Variants in ESCO1 observed in about 807,000 individuals in gnomAD.
ESCO1 encodes the protein N-acetyltransferase ESCO1.
A neutral mutation model predicts 83.5 loss-of-function variants in ESCO1; 33 were observed. The observed-to-expected ratio is 0.40, with a 90% CI of 0.30 to 0.53. ESCO1 has a LOEUF of 0.53. Among genes scored for constraint, ESCO1 ranks in the 20% least tolerant of loss-of-function variants. The pLI is 0.63. For synonymous variants in ESCO1, 332 were observed against 324.3 expected (o/e 1.02, Z -0.25); for missense variants, 855 against 968.0 (o/e 0.88, Z 1.55).
chr18:21,574,103 T>G lies in ESCO1; in HGVS notation c.741A>C (p.Lys247Asn), dbSNP rs759933038. 8.1e-6 allele frequency: 13 copies of G among 1,613,234 alleles called. No homozygotes were observed. The highest frequency in any genetic ancestry group is 6.7e-5 in the Admixed American group (4 of 59,982). ...CCACTGAAGTAGCCATTTTTGATCT[T>G]TTCACCTCAGAAGTTACAGGCACAG... ...TKPVPVTSEV[K>N]RSKMATSVVP... The change falls in exon 4 of 12, where the codon AAA becomes AAC. Residue 247 changes from lysine (K) to asparagine (N), a missense_variant. By Grantham distance (94) the Lys-to-Asn change is moderately conservative (BLOSUM62 0). Transcript: ENST00000269214.
rs1187202601 is a variant in ESCO1 at position 21,534,163 on chromosome 18, T to A, written c.2188-1503A>T. Among the ~76,000 whole-genome samples the A allele has an allele frequency of 3.3e-5, 5 of 152,320 alleles. No individual in the cohort carries two copies. In the East Asian group the frequency reaches 7.7e-4, roughly 23 times the overall value. Reference sequence around the variant, plus strand: ...TTCACTTTTTTAGAAAATTTTATGATCAAGCATACATCTGTGCAAGCAGCT... The same window carrying A: ...TTCACTTTTTTAGAAAATTTTATGAACAAGCATACATCTGTGCAAGCAGCT... On this transcript the variant is annotated intron_variant, in intron 10 of 11. Transcript: ENST00000269214.
intron 5 of ESCO1, among the ~76,000 whole-genome samples, chr18:21,566,629 G>A (rs1346840543): frequency 6.6e-6 from 1 of 152,214 alleles, no homozygotes; most frequent in Non-Finnish European, 1.5e-5. Flanking sequence ...GGGAGGGCAA[G>A]GCAGGCGGAT....
At chr18:21,557,178 T>C (rs1354000399) in intron 8 of ESCO1, among the ~76,000 whole-genome samples, 1 of 152,214 alleles carries the variant, frequency 6.6e-6, no homozygotes, top group African/African-American at 2.4e-5. Flanking sequence ...ATTTTTATCA[T>C]TCAAAATATT....
chr18:21,566,046 A>G, intron 6 of ESCO1, 100 bp downstream of exon 6: 1 of 1,041,778 alleles, frequency 9.6e-7, no homozygotes. Flanking sequence ...ATCTGTAGGT[A>G]AACTGAGGGT....
At chr18:21,570,834 G>A (rs181897337) in intron 4 of ESCO1, among the ~76,000 whole-genome samples, 173 of 152,080 alleles carry the variant, frequency 1.1e-3, no homozygotes, top group East Asian at 7.0e-3. Flanking sequence ...AAAATTAGCC[G>A]GGCGTGGTGG....
intron 1 of ESCO1, among the ~76,000 whole-genome samples, chr18:21,586,118 C>T (rs1196793456): frequency 6.6e-6 from 1 of 152,194 alleles, no homozygotes; most frequent in East Asian, 1.9e-4. Context: ...AGCTACCAAA[C>T]ACTAGAACTT....
intron 9 of ESCO1, 107 bp from the exon 10 acceptor site, chr18:21,536,292 C>G: frequency 7.9e-7 from 1 of 1,262,182 alleles, no homozygotes; most frequent in Admixed American, 2.5e-5. Context: ...AGGGCATCCT[C>G]TAAAGAGTTC....
rs1387991513 is a variant in ESCO1, at chr18:21,574,373, T to C, written c.471A>G (p.Lys157=). Residue 157 remains lysine (K), a synonymous_variant, in exon 4 of 12, where the codon AAA becomes AAG. Transcript: ENST00000269214. Reference sequence around the variant, plus strand: ...TACTCTGAGTACTGCTACACTGCTCTTTTTTAGTTGGTGGCAAACTCTGTT... The same window carrying C: ...TACTCTGAGTACTGCTACACTGCTCCTTTTTAGTTGGTGGCAAACTCTGTT... The part of the protein sequence containing the change: ...AVKQSLPPTK[K]EQCSSTQSKS... 7.4e-6 allele frequency: 12 copies of C among 1,613,946 alleles called. No individual in the cohort carries two copies. In the East Asian group the frequency reaches 8.9e-5, roughly 12 times the overall value.
At chr18:21,542,021 A>G (rs2037914141) in intron 8 of ESCO1, among the ~76,000 whole-genome samples, 1 of 152,210 alleles carries the variant, frequency 6.6e-6, no homozygotes, top group Non-Finnish European at 1.5e-5. Context: ...TTGTATGTTC[A>G]TGCCGAAATT....
chr18:21,533,126 C>G (rs918197281), intron 10 of ESCO1, among the ~76,000 whole-genome samples: 2 of 151,470 alleles, frequency 1.3e-5, no homozygotes, highest in African/African-American at 4.9e-5. Context: ...CTAGGGATAG[C>G]AGAGAAATCA....
chr18:21,584,161 A>G (rs1023354555), intron 2 of ESCO1, 149 bp downstream of exon 2: 2 of 152,234 alleles, frequency 1.3e-5, no homozygotes, highest in African/African-American at 4.8e-5. Flanking sequence ...TTTTCACTAT[A>G]TACCCACTGA....
intron 7 of ESCO1, among the ~76,000 whole-genome samples, chr18:21,563,917 G>GT (rs1484404959): frequency 1.2e-5 from 1 of 81,656 alleles, no homozygotes; most frequent in Non-Finnish European, 4.3e-5. Flanking sequence ...GGTGAGCAGG[G>GT]TTAAAAAAAA....
At chr18:21,547,933 C>T (rs2037994634) in intron 8 of ESCO1, among the ~76,000 whole-genome samples, 1 of 151,970 alleles carries the variant, frequency 6.6e-6, no homozygotes, top group African/African-American at 2.4e-5. Context: ...GAAACCCTGT[C>T]TCTACTAAAA....
intron 7 of ESCO1, among the ~76,000 whole-genome samples, chr18:21,562,401 G>C (rs2038199304): frequency 6.6e-6 from 1 of 151,816 alleles, no homozygotes; most frequent in Non-Finnish European, 1.5e-5. Context: ...ACTTGAACCT[G>C]GGAAGCAGAG....
At chr18:21,543,454 C>T (rs894598129) in intron 8 of ESCO1, among the ~76,000 whole-genome samples, 5 of 152,134 alleles carry the variant, frequency 3.3e-5, no homozygotes, top group African/African-American at 1.2e-4. Context: ...CTCTTTTCTC[C>T]TTGCTATTGG....
chr18:21,585,547 C>G (rs1225856003), intron 1 of ESCO1, among the ~76,000 whole-genome samples: 1 of 152,070 alleles, frequency 6.6e-6, no homozygotes, highest in Non-Finnish European at 1.5e-5. Context: ...GATCTTATAC[C>G]AGGACTACAC....
intron 9 of ESCO1, among the ~76,000 whole-genome samples, chr18:21,536,590 C>CAA (rs35366987): frequency 3.1e-5 from 3 of 96,764 alleles, no homozygotes; most frequent in African/African-American, 5.1e-5. Flanking sequence ...GACTCCATCT[C>CAA]AAAAAAAAAA....
intron 1 of ESCO1, among the ~76,000 whole-genome samples, chr18:21,598,259 C>T (rs2038792446): frequency 6.6e-6 from 1 of 152,206 alleles, no homozygotes; most frequent in South Asian, 2.1e-4. Flanking sequence ...TAAATACAAT[C>T]AGCTCTGCAT....
chr18:21,548,901 G>A (rs544462619), intron 8 of ESCO1, among the ~76,000 whole-genome samples: 6 of 150,456 alleles, frequency 4.0e-5, no homozygotes, highest in Non-Finnish European at 8.9e-5. Context: ...TCGCACCACC[G>A]CACTTCAGCC....
Sources: gnomAD v4.1 joint callset for allele counts (sites outside exome capture counted in the v4.1 genomes callset) on GRCh38, gnomAD v4.1.1 for gene constraint, MANE v1.5 for transcripts, NCBI Gene and HGNC (gene_info 2026-07-23, HGNC 2026-07-21) for gene names.